Variants in MECOM observed in about 807,000 individuals in gnomAD.
MECOM encodes the protein MDS1 and EVI1 complex locus, also known as histone-lysine N-methyltransferase MECOM.
A neutral mutation model predicts 116.3 loss-of-function variants in MECOM; 13 were observed. The observed-to-expected ratio is 0.11, with a 90% CI of 0.07 to 0.18. MECOM has a LOEUF of 0.18. MECOM is among the 10% of genes least tolerant of loss of function. The pLI, the probability that MECOM is intolerant of heterozygous loss-of-function variation, is 1.00. For missense variants in MECOM, 1,299 were observed against 1,509.0 expected (o/e 0.86, Z 2.31); for synonymous variants, 528 against 535.2 (o/e 0.99, Z 0.19).
chr3:169,169,250 T>C (rs1315332744), intron 2 of MECOM, among the ~76,000 whole-genome samples: 1 of 152,136 alleles, frequency 6.6e-6, no homozygotes, highest in Non-Finnish European at 1.5e-5. Context: ...ATACTTAATA[T>C]CATATTCTGG....
Position 169,127,968 on chromosome 3 carries a change from G to A in MECOM, c.706C>T (p.His236Tyr), listed in dbSNP as rs141327239. The A allele has an allele frequency of 1.4e-5, 22 of 1,613,900 alleles. No individual in the cohort carries two copies. The African/African-American group carries it at 2.8e-4, about 21-fold the overall frequency. ...TCTTCAACCATTGAAAATGCTGAGTGAGGAGTACTGCATGGAAACTTTTGG... is the reference window on the plus strand; with the variant it reads ...TCTTCAACCATTGAAAATGCTGAGTAAGGAGTACTGCATGGAAACTTTTGG... The part of the protein sequence containing the change: ...DHQKFPCSTP[H>Y]SAFSMVEEDF... The change falls in exon 5 of 17, where the codon CAC becomes TAC. Residue 236 changes from histidine (H) to tyrosine (Y), a missense_variant. This residue lies in a region of MECOM where 374 missense variants were observed against 433.4 expected (regional missense o/e 0.86). Coordinates refer to ENST00000651503, the MANE Select transcript of MECOM (RefSeq NM_004991.4).
At chr3:169,433,137 G>C (rs977951311) in intron 1 of MECOM, among the ~76,000 whole-genome samples, 6 of 152,110 alleles carry the variant, frequency 3.9e-5, no homozygotes, top group African/African-American at 1.4e-4. Context: ...TGGAAAAAAA[G>C]TATTCTATAT....
At chr3:169,177,149 A>G (rs771649713) in intron 2 of MECOM, among the ~76,000 whole-genome samples, 2 of 152,234 alleles carry the variant, frequency 1.3e-5, no homozygotes, top group Admixed American at 1.3e-4. Flanking sequence ...TCATTCTACT[A>G]TAAAGACATA....
intron 2 of MECOM, among the ~76,000 whole-genome samples, chr3:169,343,992 T>A (rs1181153321): frequency 6.6e-6 from 1 of 152,212 alleles, no homozygotes; most frequent in African/African-American, 2.4e-5. Flanking sequence ...CCTGAAGACA[T>A]AAAATTGGCG....
chr3:169,378,469 GCAAGCAAGAA>G (rs369783249), intron 2 of MECOM, among the ~76,000 whole-genome samples: 1,177 of 54,368 alleles, frequency 0.022, 162 homozygotes, highest in African/African-American at 0.083. Flanking sequence ...AAGCAAGCAA[GCAAGCAAGAA>G]AGAGAGAGAG....
chr3:169,339,416 C>A lies in MECOM; in HGVS notation c.375+41771G>T, dbSNP rs1002432765. 2.8e-4 allele frequency among the ~76,000 whole-genome samples: 43 copies of A among 152,222 alleles called. 1 individual carries two copies. On this transcript the variant is annotated intron_variant, in intron 2 of 16. Transcript: ENST00000651503. Reference sequence around the variant, plus strand: ...CAGCTAAAGTTTGAGAACCACTGCTCTACACCAATGAGAAAAACATCCATT... The same window carrying A: ...CAGCTAAAGTTTGAGAACCACTGCTATACACCAATGAGAAAAACATCCATT...
chr3:169,148,615 G>A (rs370221201), intron 2 of MECOM, among the ~76,000 whole-genome samples: 2 of 152,240 alleles, frequency 1.3e-5, no homozygotes, highest in East Asian at 1.9e-4. Context: ...GCGAGTCTAG[G>A]GACACTTGCG....
chr3:169,177,581 G>T (rs1745349933), intron 2 of MECOM, among the ~76,000 whole-genome samples: 1 of 151,944 alleles, frequency 6.6e-6, no homozygotes, highest in South Asian at 2.1e-4. Context: ...ATGTATCCGA[G>T]AACTTAAAGT....
chr3:169,098,650 A>G (rs929859405), intron 12 of MECOM, among the ~76,000 whole-genome samples: 3 of 152,184 alleles, frequency 2.0e-5, no homozygotes, highest in African/African-American at 7.2e-5. Context: ...GGCTGTGCAA[A>G]TATCCTCTTT....
intron 1 of MECOM, among the ~76,000 whole-genome samples, chr3:169,410,386 C>G (rs1450056417): frequency 6.6e-6 from 1 of 152,184 alleles, no homozygotes; most frequent in Non-Finnish European, 1.5e-5. Flanking sequence ...TAAAGACCGA[C>G]TTTTCTTTTG....
chr3:169,243,583 C>T (rs1487911790), intron 2 of MECOM, among the ~76,000 whole-genome samples: 3 of 151,802 alleles, frequency 2.0e-5, no homozygotes, highest in African/African-American at 7.3e-5. Context: ...CAGGTTTTTT[C>T]CCCCGTCTGA....
chr3:169,181,097 T>A lies in MECOM; in HGVS notation c.376-37265A>T, dbSNP rs78149140. On this transcript the variant is annotated intron_variant, in intron 2 of 16. Transcript: ENST00000651503. ...CTAACCTGTGAGGTACATACTATTA[T>A]TAATCACACTTTATATTCAAGGGAA... Among the ~76,000 whole-genome samples the A allele has an allele frequency of 7.7e-3, 1,175 of 152,194 alleles. 23 individuals are homozygous for A. The highest frequency in any genetic ancestry group is 0.027 in the African/African-American group (1,123 of 41,548).
chr3:169,476,304 G>T (rs370445734), intron 1 of MECOM, among the ~76,000 whole-genome samples: 5 of 152,056 alleles, frequency 3.3e-5, no homozygotes, highest in Admixed American at 3.3e-4. Context: ...AATATTTATT[G>T]AGCCCTGAAG....
At chr3:169,339,128 C>G (rs1724057412) in intron 2 of MECOM, among the ~76,000 whole-genome samples, 1 of 152,150 alleles carries the variant, frequency 6.6e-6, no homozygotes, top group South Asian at 2.1e-4. Flanking sequence ...GCCTAAAACA[C>G]AGTACGCATT....
intron 1 of MECOM, among the ~76,000 whole-genome samples, chr3:169,533,402 T>G (rs1758901285): frequency 6.6e-6 from 1 of 152,108 alleles, no homozygotes; most frequent in Non-Finnish European, 1.5e-5. Flanking sequence ...TCTTTTTGAT[T>G]TTCCTTCTTT....
chr3:169,106,116 T>A (rs1265169717), intron 10 of MECOM, among the ~76,000 whole-genome samples: 1 of 152,176 alleles, frequency 6.6e-6, no homozygotes, highest in Non-Finnish European at 1.5e-5. Flanking sequence ...ATAACTAACT[T>A]TTCATAAATA....
At chr3:169,610,608 A>G (rs1263007440) in intron 1 of MECOM, among the ~76,000 whole-genome samples, 1 of 152,196 alleles carries the variant, frequency 6.6e-6, no homozygotes, top group Non-Finnish European at 1.5e-5. Context: ...AATAGTAAGT[A>G]TAATAGATAT....
intron 1 of MECOM, among the ~76,000 whole-genome samples, chr3:169,399,015 T>C (rs1181176667): frequency 6.6e-6 from 1 of 152,186 alleles, no homozygotes; most frequent in Non-Finnish European, 1.5e-5. Flanking sequence ...GTGAGTTCCT[T>C]GCTTTATGGA....
At chr3:169,106,597 A>G (rs1725531405) in intron 10 of MECOM, among the ~76,000 whole-genome samples, 1 of 152,158 alleles carries the variant, frequency 6.6e-6, no homozygotes, top group African/African-American at 2.4e-5. Context: ...TGCAACGGCA[A>G]TCACTATGCT....
Sources: gnomAD v4.1 joint callset for allele counts (sites outside exome capture counted in the v4.1 genomes callset) on GRCh38, gnomAD v4.1.1 for gene constraint, gnomAD v4.1.1 regional missense constraint, MANE v1.5 for transcripts, NCBI Gene and HGNC (gene_info 2026-07-23, HGNC 2026-07-21) for gene names.